The following HTR4 variants were observed in gnomAD, a reference collection of about 807,000 sequenced individuals.
HTR4 encodes the protein 5-hydroxytryptamine receptor 4.
Under a neutral mutation model 36.8 loss-of-function variants are expected in HTR4, and 16 were observed. That is an observed-to-expected ratio of 0.43 (90% CI 0.29 to 0.66). HTR4 has a LOEUF of 0.66. Among genes scored for constraint, HTR4 ranks in the 30% least tolerant of loss-of-function variants. HTR4 has a pLI of 0.13. For missense variants in HTR4, 438 were observed against 490.9 expected (o/e 0.89, Z 1.02); for synonymous variants, 189 against 185.1 (o/e 1.02, Z -0.17).
intron 1 of HTR4, among the ~76,000 whole-genome samples, chr5:148,639,617 G>GTGTATATATA (rs1753662216): frequency 8.9e-6 from 1 of 111,866 alleles, no homozygotes; most frequent in Non-Finnish European, 1.8e-5. Flanking sequence ...TTTCTTCCCA[G>GTGTATATATA]TATATATATA....
chr5:148,572,889 G>T (rs1464829736), intron 2 of HTR4, among the ~76,000 whole-genome samples: 1 of 152,086 alleles, frequency 6.6e-6, no homozygotes, highest in Non-Finnish European at 1.5e-5. Flanking sequence ...AATGCTAAAA[G>T]TGCTGGAAGA....
At chr5:148,592,274 C>G (rs1353979438) in intron 2 of HTR4, among the ~76,000 whole-genome samples, 1 of 152,066 alleles carries the variant, frequency 6.6e-6, no homozygotes, top group Non-Finnish European at 1.5e-5. Flanking sequence ...GAAAAGATTA[C>G]TATTGGGTAC....
At chr5:148,524,604 A>G (rs1179156438) in intron 4 of HTR4, among the ~76,000 whole-genome samples, 2 of 152,186 alleles carry the variant, frequency 1.3e-5, no homozygotes, top group Non-Finnish European at 2.9e-5. Context: ...ATGCCCAGGC[A>G]TGGCATGGAA....
At chr5:148,520,559 C>T (rs544747884) in intron 5 of HTR4, among the ~76,000 whole-genome samples, 1 of 152,290 alleles carries the variant, frequency 6.6e-6, no homozygotes, top group South Asian at 2.1e-4. Flanking sequence ...CCCACTACTT[C>T]CTACCAATGA....
chr5:148,514,787 C>T (rs1009987650), intron 5 of HTR4, among the ~76,000 whole-genome samples: 1 of 152,034 alleles, frequency 6.6e-6, no homozygotes, highest in East Asian at 1.9e-4. Context: ...ATATTTCTAC[C>T]TCAAGAAATA....
At chr5:148,575,000 C>T (rs377367660) in intron 2 of HTR4, among the ~76,000 whole-genome samples, 1 of 152,172 alleles carries the variant, frequency 6.6e-6, no homozygotes, top group South Asian at 2.1e-4. Flanking sequence ...ACTAGAAAAT[C>T]AGCCAAACCA....
intron 2 of HTR4, among the ~76,000 whole-genome samples, chr5:148,581,714 GTC>G (rs1447224083): frequency 7.9e-5 from 12 of 152,074 alleles, no homozygotes; most frequent in Non-Finnish European, 1.6e-4. Context: ...TTTTATGCCA[GTC>G]TCAAACTGTG....
intron 4 of HTR4, among the ~76,000 whole-genome samples, chr5:148,542,496 A>G (rs1270762336): frequency 6.6e-6 from 1 of 152,202 alleles, no homozygotes; most frequent in Admixed American, 6.5e-5. Context: ...ATCGGAGACT[A>G]AGAAACTGTT....
At chr5:148,562,289 C>T (rs961791577) in intron 2 of HTR4, among the ~76,000 whole-genome samples, 7 of 152,122 alleles carry the variant, frequency 4.6e-5, no homozygotes, top group African/African-American at 1.7e-4. Context: ...AGTGTCATGA[C>T]CCCTGCTCTT....
At chr5:148,554,403 C>T (rs1196756085) in intron 2 of HTR4, among the ~76,000 whole-genome samples, 1 of 152,140 alleles carries the variant, frequency 6.6e-6, no homozygotes, top group African/African-American at 2.4e-5. Flanking sequence ...CATGCTACCA[C>T]ATGGATGAAC....
At chr5:148,475,775 A>G (rs958799983), downstream of HTR4, among the ~76,000 whole-genome samples, 1 of 152,192 alleles carries the variant, frequency 6.6e-6, no homozygotes, top group African/African-American at 2.4e-5. Context: ...TAACAGCTAC[A>G]CTTCAGTGAG....
At chr5:148,470,317 A>G (rs1172739187) in intron 5 of HTR4, among the ~76,000 whole-genome samples, 2 of 152,204 alleles carry the variant, frequency 1.3e-5, no homozygotes, top group African/African-American at 4.8e-5. Context: ...TGCTATTATC[A>G]TCTCTACTTG....
At position 148,483,263 on chromosome 5, in the gene HTR4, C is replaced by T; in HGVS notation, c.1107G>A (p.Glu369=). The T allele has an allele frequency of 6.2e-7, 1 of 1,613,908 alleles. No homozygotes were observed. The highest frequency in any genetic ancestry group is 8.5e-7 in the Non-Finnish European group (1 of 1,179,910). Reference sequence around the variant, plus strand: ...AAGTTGCTGGCGGGTGACACTGACTCTCCCACTGGCCACCACACTCCACTG... The same window carrying T: ...AAGTTGCTGGCGGGTGACACTGACTTTCCCACTGGCCACCACACTCCACTG... ...RDAVECGGQW[E]SQCHPPATSP... is the part of the protein sequence containing the mutation. The change falls in exon 7 of 7, where the codon GAG becomes GAA. Residue 369 remains glutamate, a synonymous_variant. Transcript: ENST00000377888.
At chr5:148,524,025 T>TC (rs1758146940) in intron 4 of HTR4, among the ~76,000 whole-genome samples, 1 of 151,828 alleles carries the variant, frequency 6.6e-6, no homozygotes, top group African/African-American at 2.4e-5. Flanking sequence ...GTTCAAGGAT[T>TC]CCCCTCCATC....
chr5:148,644,421 AGTTTTTTT>A lies in HTR4; in HGVS notation c.-47-7368_-47-7361del, dbSNP rs1265851104. 8.2e-4 allele frequency among the ~76,000 whole-genome samples: 70 copies of A among 85,854 alleles called. 2 individuals are homozygous for A. Among genetic ancestry groups the A allele is most frequent in the African/African-American group, 2.9e-3 (65 of 22,324 alleles). The allele number at this position is 85,854 out of a possible 152,430, so 56.3% of individuals were successfully genotyped here. The stretch of plus-strand genomic sequence containing the variant: ...AAGATGAATAGGTCTCAAGCTCACA[AGTTTTTTT>A]TTTTTTTTTTTTTTTTTTTTTTTTT... On this transcript the variant is annotated intron_variant, in intron 1 of 6. Coordinates refer to ENST00000377888, the MANE Select transcript of HTR4 (RefSeq NM_000870.7).
chr5:148,631,291 G>A (rs1047202691), intron 2 of HTR4, among the ~76,000 whole-genome samples: 1 of 152,068 alleles, frequency 6.6e-6, no homozygotes. Flanking sequence ...CATTTCTAAA[G>A]CAACATAAAA....
At chr5:148,521,078 C>T in intron 5 of HTR4, 1 of 1,284,186 alleles carries the variant, frequency 7.8e-7, no homozygotes. Flanking sequence ...CTCCACTTCC[C>T]ACATCTCGAT....
intron 5 of HTR4, among the ~76,000 whole-genome samples, chr5:148,455,959 T>A (rs1052170972): frequency 3.9e-5 from 6 of 152,130 alleles, no homozygotes; most frequent in African/African-American, 1.2e-4. Context: ...GGTCTTCCTG[T>A]CTCAGGGGTG....
At chr5:148,591,855 G>T (rs1293983680) in intron 2 of HTR4, among the ~76,000 whole-genome samples, 1 of 152,206 alleles carries the variant, frequency 6.6e-6, no homozygotes, top group African/African-American at 2.4e-5. Flanking sequence ...TGGAGGGAGT[G>T]TAAATTAGTT....
Sources: allele counts gnomAD v4.1 joint callset (sites outside exome capture counted in the v4.1 genomes callset), GRCh38; gene constraint gnomAD v4.1.1; transcripts MANE v1.5; gene names NCBI Gene and HGNC (gene_info 2026-07-23, HGNC 2026-07-21).